The following PHIP variants were observed in gnomAD, a reference collection of about 807,000 sequenced individuals.
The protein encoded by PHIP is PHIP subunit of CUL4-Ring ligase complex.
Under a neutral mutation model 236.8 loss-of-function variants are expected in PHIP, and 54 were observed. The ratio of observed to expected loss-of-function variants is 0.23; its 90% CI spans 0.18 to 0.29. The LOEUF (loss-of-function observed/expected upper bound fraction) is 0.29, where lower values mean the gene tolerates loss of function less well. Among genes scored for constraint, PHIP ranks in the 10% least tolerant of loss-of-function variants. The probability of loss-of-function intolerance (pLI) is 1.00; values close to 1 mark genes in which losing one functional copy is unlikely to be tolerated. For synonymous variants in PHIP, 756 were observed against 718.9 expected, an observed-to-expected ratio of 1.05 and a Z score of -0.83; for missense variants, 1,370 against 2,190.8, an observed-to-expected ratio of 0.63 and a Z score of 7.48.
rs2127674000 is a variant in PHIP at position 78,937,005 on chromosome 6, TTA to T, written c.*3686_*3687del. 1.3e-5 allele frequency: 2 copies of T among 151,856 alleles called. No homozygotes were observed. Among genetic ancestry groups the T allele is most frequent in the Admixed American group, 1.3e-4 (2 of 15,274 alleles). 9.4% of individuals were successfully genotyped at this position (151,856 alleles called of 1,614,324 possible). On this transcript the variant is annotated 3_prime_UTR_variant, in exon 40 of 40. Coordinates refer to ENST00000275034, the MANE Select transcript of PHIP (RefSeq NM_017934.7). Reference sequence around the variant, plus strand: ...TGTAACAAAACCACTGCTCAATCTGTTATGTTAGAAATACTTTTTAGGTTAAT... The same window carrying T: ...TGTAACAAAACCACTGCTCAATCTGTTGTTAGAAATACTTTTTAGGTTAAT...
In PHIP at chr6:79,065,926, T is replaced by C. The variant is rs182601163; in HGVS notation, c.190-5108A>G. On this transcript the variant is annotated intron_variant, in intron 4 of 39. Coordinates refer to ENST00000275034, the MANE Select transcript of PHIP (RefSeq NM_017934.7). ...AATATTAATCCATTATTTACAGATA[T>C]ACATATGTGATTTTCAGTTTTCAAC... Among the ~76,000 whole-genome samples the C allele has an allele frequency of 4.3e-3, 647 of 152,208 alleles. 3 individuals are homozygous for C. The highest frequency in any genetic ancestry group is 0.02 in the Middle Eastern group (6 of 294).
intron 6 of PHIP, among the ~76,000 whole-genome samples, chr6:79,047,503 T>C (rs1772561967): frequency 6.6e-6 from 1 of 152,180 alleles, no homozygotes; most frequent in African/African-American, 2.4e-5. Context: ...AAAAACAGCA[T>C]TTTAACAGCT....
At chr6:79,017,883 A>G (rs1192468499) in intron 10 of PHIP, among the ~76,000 whole-genome samples, 1 of 151,976 alleles carries the variant, frequency 6.6e-6, no homozygotes, top group African/African-American at 2.4e-5. Flanking sequence ...CCTTCACTAG[A>G]AAATATTTCT....
At chr6:78,992,120 G>C (rs528850045) in intron 19 of PHIP, among the ~76,000 whole-genome samples, 1 of 151,484 alleles carries the variant, frequency 6.6e-6, no homozygotes, top group Non-Finnish European at 1.5e-5. Flanking sequence ...CCGCCACCTC[G>C]CCCGGCTAAT....
chr6:79,077,839 C>G lies in PHIP; in HGVS notation c.99+16G>C. ...GCGGCGAGCGCCGGCCCGGCCCGCG[C>G]CGCGCGCCGCCGTACCTGAGCCGCC... On this transcript the variant is annotated intron_variant, in intron 2 of 39. Transcript: ENST00000275034. 4 of 1,440,348 alleles carry G rather than the reference C, an allele frequency of 2.8e-6. No individual in the cohort carries two copies. The South Asian group carries it at 4.0e-5, about 14-fold the overall frequency. 89.2% of individuals were successfully genotyped at this position (1,440,348 alleles called of 1,614,324 possible).
At chr6:79,016,259 G>A (rs895742038) in intron 13 of PHIP, among the ~76,000 whole-genome samples, 1 of 151,704 alleles carries the variant, frequency 6.6e-6, no homozygotes, top group Non-Finnish European at 1.5e-5. Flanking sequence ...TGTGATAAAC[G>A]AAACATAATA....
At chr6:78,969,014 G>T (rs1767343231) in intron 27 of PHIP, among the ~76,000 whole-genome samples, 1 of 152,130 alleles carries the variant, frequency 6.6e-6, no homozygotes, top group South Asian at 2.1e-4. Flanking sequence ...TGTTTCCTGA[G>T]GGGATTCCAT....
intron 8 of PHIP, 43 bp downstream of exon 8, chr6:79,025,900 A>C (rs1329968369): frequency 8.5e-7 from 1 of 1,177,596 alleles, no homozygotes; most frequent in Non-Finnish European, 1.2e-6. Context: ...TTTACATTAT[A>C]ACAACAACAA....
intron 15 of PHIP, among the ~76,000 whole-genome samples, chr6:79,008,384 G>A (rs1048368346): frequency 2.6e-5 from 4 of 151,866 alleles, no homozygotes; most frequent in Non-Finnish European, 2.9e-5. Flanking sequence ...TTATATAAAA[G>A]TGATTCTGAA....
intron 7 of PHIP, among the ~76,000 whole-genome samples, chr6:79,035,123 G>A (rs1027713376): frequency 2.0e-5 from 3 of 152,060 alleles, no homozygotes; most frequent in Non-Finnish European, 4.4e-5. Flanking sequence ...TGAGTTAACT[G>A]TGCATGCCCA....
chr6:78,960,574 T>C (rs1766709973), intron 31 of PHIP, among the ~76,000 whole-genome samples: 1 of 152,088 alleles, frequency 6.6e-6, no homozygotes, highest in South Asian at 2.1e-4. Flanking sequence ...CTCTACGCTT[T>C]TTGACAAATA....
At chr6:78,965,851 T>G in intron 28 of PHIP, 87 bp from the exon 29 acceptor site, 1 of 1,190,860 alleles carries the variant, frequency 8.4e-7, no homozygotes, top group Non-Finnish European at 1.2e-6. Flanking sequence ...TAATTGCTTC[T>G]GTGTTTAAAA....
intron 29 of PHIP, 106 bp from the exon 30 acceptor site, chr6:78,963,358 T>C (rs1562129181): frequency 3.6e-6 from 3 of 833,682 alleles, no homozygotes; most frequent in Non-Finnish European, 5.5e-6. Context: ...ATATTTTGTA[T>C]AGATTTGTAA....
chr6:78,970,703 T>TA, intron 25 of PHIP, 78 bp downstream of exon 25: 2 of 889,998 alleles, frequency 2.2e-6, no homozygotes, highest in South Asian at 1.6e-5. Flanking sequence ...ATTGTGTTAA[T>TA]AGTAACCTTT....
chr6:79,038,253 G>C (rs1318789192), intron 7 of PHIP, among the ~76,000 whole-genome samples: 7 of 152,224 alleles, frequency 4.6e-5, no homozygotes. Context: ...CAAGGCCAAA[G>C]TGCCAGTAGA....
chr6:79,011,056 G>C (rs1770548871), intron 15 of PHIP, among the ~76,000 whole-genome samples: 1 of 151,760 alleles, frequency 6.6e-6, no homozygotes, highest in East Asian at 1.9e-4. Flanking sequence ...CTGCCTTTTA[G>C]CATTTAATGG....
chr6:79,039,342 C>T (rs1333034196), intron 7 of PHIP, among the ~76,000 whole-genome samples: 1 of 152,126 alleles, frequency 6.6e-6, no homozygotes, highest in African/African-American at 2.4e-5. Flanking sequence ...TCTGTAATTG[C>T]CTTTCCCTAA....
intron 23 of PHIP, among the ~76,000 whole-genome samples, chr6:78,979,585 T>G: frequency 1.3e-5 from 2 of 152,166 alleles, no homozygotes; most frequent in East Asian, 3.9e-4. Context: ...TTCCTTAACT[T>G]TGCTGGTCAC....
intron 24 of PHIP, among the ~76,000 whole-genome samples, chr6:78,971,637 G>A (rs1156673287): frequency 2.0e-5 from 3 of 152,154 alleles, no homozygotes; most frequent in Non-Finnish European, 2.9e-5. Flanking sequence ...TCACTAGGGA[G>A]TGCCAGACAG....
Sources: gnomAD v4.1 joint callset for allele counts (sites outside exome capture counted in the v4.1 genomes callset) on GRCh38, gnomAD v4.1.1 for gene constraint, MANE v1.5 for transcripts, NCBI Gene and HGNC (gene_info 2026-07-23, HGNC 2026-07-21) for gene names.